Variants in MAP2K4 observed in about 807,000 individuals in gnomAD.
The protein encoded by MAP2K4 is dual specificity mitogen-activated protein kinase kinase 4.
In MAP2K4, 4 loss-of-function variants were observed where a neutral mutation model predicts 48.5. The observed-to-expected ratio is 0.08, with a 90% CI of 0.04 to 0.19. MAP2K4 has a LOEUF of 0.19. MAP2K4 is among the 10% of genes least tolerant of loss of function. The pLI, the probability that MAP2K4 is intolerant of heterozygous loss-of-function variation, is 1.00. For synonymous variants in MAP2K4, 166 were observed against 173.1 expected (o/e 0.96, Z 0.32); for missense variants, 258 against 493.3 (o/e 0.52, Z 4.52).
rs200580622 is a variant in MAP2K4 at position 12,117,607 on chromosome 17, G to T, written c.813+4247G>T. On this transcript the variant is annotated intron_variant, in intron 7 of 10. Coordinates refer to ENST00000353533, the MANE Select transcript of MAP2K4 (RefSeq NM_003010.4). ...TGCATTACTCACTGTATTTTTTTTT[G>T]TTTTTTTTGCTCATTTTTTGCTCAG... Among the ~76,000 whole-genome samples the T allele has an allele frequency of 3.1e-3, 458 of 148,386 alleles. 4 individuals are homozygous for T. Among genetic ancestry groups the T allele is most frequent in the African/African-American group, 0.01 (410 of 40,426 alleles).
chr17:12,061,636 A>G (rs1970451814), intron 2 of MAP2K4, among the ~76,000 whole-genome samples: 1 of 152,188 alleles, frequency 6.6e-6, no homozygotes, highest in African/African-American at 2.4e-5. Flanking sequence ...TTGTTCTTGA[A>G]TCAGAGACTG....
chr17:12,039,841 T>A (rs1348586561), intron 1 of MAP2K4, among the ~76,000 whole-genome samples: 2 of 152,212 alleles, frequency 1.3e-5, no homozygotes, highest in East Asian at 3.8e-4. Context: ...TTTTTTTTGT[T>A]TAAAAAATTG....
At chr17:12,093,282 A>G (rs1294196136) in intron 3 of MAP2K4, among the ~76,000 whole-genome samples, 2 of 152,216 alleles carry the variant, frequency 1.3e-5, no homozygotes, top group African/African-American at 4.8e-5. Context: ...GATGATCTCA[A>G]AGATAGAGCT....
intron 4 of MAP2K4, among the ~76,000 whole-genome samples, chr17:12,106,870 T>C (rs1972131998): frequency 6.6e-6 from 1 of 152,122 alleles, no homozygotes; most frequent in Admixed American, 6.6e-5. Flanking sequence ...AAAAATTGAT[T>C]TTAGATAATC....
chr17:12,085,846 A>T (rs1201864641), intron 3 of MAP2K4, among the ~76,000 whole-genome samples: 2 of 151,498 alleles, frequency 1.3e-5, no homozygotes, highest in Admixed American at 6.6e-5. Flanking sequence ...TGTAGATAGT[A>T]TGGTGAGTAT....
chr17:12,061,250 C>G (rs532434498), intron 2 of MAP2K4, among the ~76,000 whole-genome samples: 1 of 152,202 alleles, frequency 6.6e-6, no homozygotes, highest in South Asian at 2.1e-4. Flanking sequence ...GTTGTTTGTA[C>G]CTTTTGGCTC....
intron 3 of MAP2K4, among the ~76,000 whole-genome samples, chr17:12,083,864 G>A (rs1338620681): frequency 6.6e-6 from 1 of 152,174 alleles, no homozygotes; most frequent in Non-Finnish European, 1.5e-5. Context: ...AGACTTTACG[G>A]TTTTAAAGGA....
chr17:12,098,410 G>A (rs1022313088), intron 4 of MAP2K4, among the ~76,000 whole-genome samples: 9 of 151,516 alleles, frequency 5.9e-5, no homozygotes, highest in African/African-American at 1.9e-4. Context: ...TCCAGGAGGC[G>A]GAGGTTGCAG....
Position 12,142,973 on chromosome 17 carries a change from A to G in MAP2K4, c.*1713A>G, listed in dbSNP as rs1973419484. On this transcript the variant is annotated 3_prime_UTR_variant, in exon 11 of 11. Transcript: ENST00000353533. ...AGAGTGACAGTCATAAATACTGTCA[A>G]ACAATAAAGGGAGAATGGTGCTGTT... 4.3e-6 allele frequency: 1 copy of G among 232,904 alleles called. No individual in the cohort carries two copies. Among genetic ancestry groups the G allele is most frequent in the East Asian group, 6.0e-5 (1 of 16,556 alleles). The allele number at this position is 232,904 out of a possible 1,614,324, so 14.4% of individuals were successfully genotyped here. A position where few individuals can be genotyped will look rare whatever the true frequency, so the allele number is the denominator to read the frequency against.
intron 1 of MAP2K4, among the ~76,000 whole-genome samples, chr17:12,031,757 A>G (rs1158123502): frequency 6.6e-6 from 1 of 152,030 alleles, no homozygotes; most frequent in Non-Finnish European, 1.5e-5. Flanking sequence ...TCAGCAGTTC[A>G]TTGTCTTATT....
chr17:12,125,020 T>A (rs1043969145), intron 7 of MAP2K4: 1 of 403,288 alleles, frequency 2.5e-6, no homozygotes, highest in Non-Finnish European at 4.6e-6. Flanking sequence ...TTTGTCTCCC[T>A]CTTCCCTCAG....
chr17:12,047,119 G>C (rs1969990861), intron 1 of MAP2K4, among the ~76,000 whole-genome samples: 1 of 151,986 alleles, frequency 6.6e-6, no homozygotes, highest in African/African-American at 2.4e-5. Flanking sequence ...AAAGGACTAT[G>C]AATCTTTTGC....
intron 2 of MAP2K4, among the ~76,000 whole-genome samples, chr17:12,060,986 C>T (rs901888987): frequency 5.9e-5 from 9 of 152,114 alleles, no homozygotes; most frequent in African/African-American, 2.2e-4. Flanking sequence ...TCCCTTCCTT[C>T]TAGCCCTGGC....
intron 1 of MAP2K4, among the ~76,000 whole-genome samples, chr17:12,043,315 A>C (rs12946579): frequency 0.41 from 61,865 of 151,992 alleles, 12,776 homozygotes; most frequent in East Asian, 0.58. Flanking sequence ...TTTTTATTTC[A>C]TATTTCCAAT....
At chr17:12,070,983 G>T (rs1970784818) in intron 2 of MAP2K4, among the ~76,000 whole-genome samples, 1 of 152,224 alleles carries the variant, frequency 6.6e-6, no homozygotes, top group South Asian at 2.1e-4. Flanking sequence ...GGTTCTGGGG[G>T]AGGATCCCCC....
chr17:12,102,031 A>G (rs1971954439), intron 4 of MAP2K4, among the ~76,000 whole-genome samples: 1 of 152,062 alleles, frequency 6.6e-6, no homozygotes, highest in South Asian at 2.1e-4. Flanking sequence ...TGGAACCTTC[A>G]GTATGCTGTT....
chr17:12,042,555 C>G, intron 1 of MAP2K4, among the ~76,000 whole-genome samples: 1 of 151,980 alleles, frequency 6.6e-6, no homozygotes, highest in African/African-American at 2.4e-5. Context: ...GTGGGAGTAT[C>G]GCCTAAGCTC....
intron 1 of MAP2K4, among the ~76,000 whole-genome samples, chr17:12,035,362 A>G (rs1032076373): frequency 2.0e-5 from 3 of 152,154 alleles, no homozygotes; most frequent in Non-Finnish European, 4.4e-5. Context: ...TACTAAAAAT[A>G]CAAAATTAGC....
intron 4 of MAP2K4, among the ~76,000 whole-genome samples, chr17:12,103,806 AG>A (rs1343549384): frequency 2.6e-5 from 4 of 152,268 alleles, no homozygotes; most frequent in African/African-American, 7.2e-5. Context: ...TATTCAACAT[AG>A]TTTTCAAGAT....
Sources: allele counts gnomAD v4.1 joint callset (sites outside exome capture counted in the v4.1 genomes callset), GRCh38; gene constraint gnomAD v4.1.1; transcripts MANE v1.5; gene names NCBI Gene and HGNC (gene_info 2026-07-23, HGNC 2026-07-21).